Variants in CTNNA2 observed in about 807,000 individuals in gnomAD.
CTNNA2 encodes catenin alpha 2, also known as catenin alpha-2.
In CTNNA2, 42 loss-of-function variants were observed where a neutral mutation model predicts 101.0. The ratio of observed to expected loss-of-function variants is 0.42; its 90% CI spans 0.32 to 0.54. The LOEUF is 0.54. Ranked by LOEUF, CTNNA2 falls within the 20% of genes least tolerant of loss-of-function variation. The pLI is 0.14. For missense variants in CTNNA2, 871 were observed against 1,223.1 expected (o/e 0.71, Z 4.29); for synonymous variants, 450 against 456.4 (o/e 0.99, Z 0.18).
intron 3 of CTNNA2, among the ~76,000 whole-genome samples, chr2:79,757,615 A>G (rs111684335): frequency 1.3e-3 from 205 of 152,340 alleles, no homozygotes; most frequent in African/African-American, 4.0e-3. Context: ...AAGAAGAGTC[A>G]GGGAAGTGAC....
At chr2:80,555,004 A>G (rs1573247175) in intron 11 of CTNNA2, among the ~76,000 whole-genome samples, 1 of 152,264 alleles carries the variant, frequency 6.6e-6, no homozygotes, top group East Asian at 1.9e-4. Context: ...GGGCAATCAT[A>G]TGAAAGTTAT....
At chr2:79,672,303 C>A (rs1682892376) in intron 2 of CTNNA2, among the ~76,000 whole-genome samples, 1 of 152,204 alleles carries the variant, frequency 6.6e-6, no homozygotes, top group African/African-American at 2.4e-5. Context: ...TCTCTAGAAA[C>A]AAACCAAACT....
In CTNNA2 at chr2:80,545,588, G is replaced by A. The variant is rs538338739; in HGVS notation, c.1384-319G>A. Among the ~76,000 whole-genome samples the A allele has an allele frequency of 1.8e-4, 27 of 152,162 alleles. 1 individual carries two copies. Among genetic ancestry groups the A allele is most frequent in the Middle Eastern group, 3.4e-3 (1 of 294 alleles). On this transcript the variant is annotated intron_variant, in intron 10 of 18. Coordinates refer to ENST00000402739, the MANE Select transcript of CTNNA2 (RefSeq NM_001282597.3). ...GTTCCATATCTATTTACCTTGTCTC[G>A]GCAGCTAAATCATAAACTTGCACAT...
At chr2:79,457,741 A>G (rs1230119174) in intron 4 of CTNNA2, among the ~76,000 whole-genome samples, 1 of 152,206 alleles carries the variant, frequency 6.6e-6, no homozygotes, top group Non-Finnish European at 1.5e-5. Flanking sequence ...TAAGAATATT[A>G]TATTGTTCAT....
At chr2:80,289,847 G>A (rs1037920369) in intron 7 of CTNNA2, among the ~76,000 whole-genome samples, 2 of 152,152 alleles carry the variant, frequency 1.3e-5, no homozygotes, top group African/African-American at 2.4e-5. Context: ...AAGTGTACTT[G>A]CCTCCCTGCT....
At chr2:79,498,993 TG>T (rs1371109371) in intron 4 of CTNNA2, 2 of 152,246 alleles carry the variant, frequency 1.3e-5, no homozygotes, top group African/African-American at 4.8e-5. Context: ...CAGTGAAGGC[TG>T]GAAGACTAAT....
intron 7 of CTNNA2, among the ~76,000 whole-genome samples, chr2:80,241,105 A>G (rs1670897880): frequency 6.6e-6 from 1 of 152,176 alleles, no homozygotes; most frequent in Non-Finnish European, 1.5e-5. Context: ...ACTTTGTCCT[A>G]TTCAATCTGC....
At chr2:80,260,773 T>G (rs1428730769) in intron 7 of CTNNA2, among the ~76,000 whole-genome samples, 1 of 152,218 alleles carries the variant, frequency 6.6e-6, no homozygotes, top group African/African-American at 2.4e-5. Context: ...CCATTTTATC[T>G]ATTTTTGGTG....
chr2:79,923,886 A>G (rs903295448), intron 7 of CTNNA2, among the ~76,000 whole-genome samples: 1 of 152,166 alleles, frequency 6.6e-6, no homozygotes, highest in Non-Finnish European at 1.5e-5. Flanking sequence ...TAGTGCAGCT[A>G]TTTTGGAAAA....
chr2:79,346,848 C>G (rs1446790503), intron 3 of CTNNA2, among the ~76,000 whole-genome samples: 1 of 152,154 alleles, frequency 6.6e-6, no homozygotes, highest in Non-Finnish European at 1.5e-5. Context: ...TCCACAAAGC[C>G]CCAAATTTGC....
intron 3 of CTNNA2, among the ~76,000 whole-genome samples, chr2:79,765,983 A>G (rs1031128390): frequency 5.3e-5 from 8 of 152,176 alleles, no homozygotes; most frequent in Middle Eastern, 3.2e-3. Flanking sequence ...AAGCGAATTC[A>G]TTCTTGGGAA....
chr2:79,468,857 A>G (rs1670967295), intron 4 of CTNNA2, among the ~76,000 whole-genome samples: 1 of 152,210 alleles, frequency 6.6e-6, no homozygotes, highest in African/African-American at 2.4e-5. Context: ...ACATACCAGA[A>G]TCTCTGGGAC....
intron 7 of CTNNA2, among the ~76,000 whole-genome samples, chr2:80,017,804 C>T (rs910574583): frequency 2.6e-5 from 4 of 152,004 alleles, no homozygotes; most frequent in African/African-American, 7.3e-5. Flanking sequence ...TTTATTCCTC[C>T]CTGTCACAGT....
At chr2:80,606,243 G>T (rs1356684714) in intron 16 of CTNNA2, among the ~76,000 whole-genome samples, 1 of 151,636 alleles carries the variant, frequency 6.6e-6, no homozygotes, top group Admixed American at 6.6e-5. Context: ...GGCATCTTTA[G>T]GCCCTTCAAG....
At chr2:80,065,362 TA>T (rs1464202772) in intron 7 of CTNNA2, among the ~76,000 whole-genome samples, 20 of 101,088 alleles carry the variant, frequency 2.0e-4, no homozygotes, top group Admixed American at 1.9e-3. Context: ...TTCTCCATTC[TA>T]TTTTTTTTTT....
intron 7 of CTNNA2, among the ~76,000 whole-genome samples, chr2:80,110,959 G>A (rs894193612): frequency 1.2e-4 from 19 of 152,180 alleles, no homozygotes; most frequent in Non-Finnish European, 1.5e-4. Flanking sequence ...CATGGCTGGG[G>A]AGGCCTCAGG....
chr2:80,162,586 C>G (rs1400944711), intron 7 of CTNNA2: 1 of 1,610,436 alleles, frequency 6.2e-7, no homozygotes, highest in Non-Finnish European at 8.5e-7. Context: ...GACCCATGAT[C>G]AGTGTAACGC....
At chr2:79,344,879 T>TAA (rs1448007635) in intron 3 of CTNNA2, among the ~76,000 whole-genome samples, 410 of 145,922 alleles carry the variant, frequency 2.8e-3, no homozygotes, top group Admixed American at 4.6e-3. Flanking sequence ...TTTATATATA[T>TAA]AATATATATA....
At chr2:79,511,859 G>A (rs1301519850), upstream of CTNNA2, among the ~76,000 whole-genome samples, 2 of 152,140 alleles carry the variant, frequency 1.3e-5, no homozygotes, top group Non-Finnish European at 2.9e-5. Context: ...GTGACATAAA[G>A]CCATCCAAGT....
Sources: gnomAD v4.1 joint callset for allele counts (sites outside exome capture counted in the v4.1 genomes callset) on GRCh38, gnomAD v4.1.1 for gene constraint, MANE v1.5 for transcripts, NCBI Gene and HGNC (gene_info 2026-07-23, HGNC 2026-07-21) for gene names.